The following RTL4 variants were observed in gnomAD, a reference collection of about 807,000 sequenced individuals.
The protein encoded by RTL4 is retrotransposon Gag-like protein 4.
A neutral mutation model predicts 5.3 loss-of-function variants in RTL4; 4 were observed. The ratio of observed to expected loss-of-function variants is 0.75; its 90% CI spans 0.37 to 1.72. The LOEUF (loss-of-function observed/expected upper bound fraction) is 1.72. Ranked by LOEUF, RTL4 falls within the 40% of genes most tolerant of loss-of-function variation. RTL4 has a pLI of 0.04. For synonymous variants in RTL4, 98 were observed against 87.3 expected (o/e 1.12, Z -0.68); for missense variants, 260 against 227.1 (o/e 1.14, Z -0.93).
the RTL4 span, among the ~76,000 whole-genome samples, chrX:112,173,319 A>G: frequency 9.0e-6 from 1 of 111,310 alleles, no homozygotes; most frequent in Non-Finnish European, 1.9e-5. Context: ...TCAAGTGATG[A>G]TGGAGGATTA....
the RTL4 span, among the ~76,000 whole-genome samples, chrX:112,096,801 A>G: frequency 3.6e-5 from 4 of 112,156 alleles, no homozygotes; most frequent in African/African-American, 1.3e-4. Flanking sequence ...TGTGAGAGAG[A>G]GTTACACATC....
At chrX:112,328,393 G>C in the RTL4 span, among the ~76,000 whole-genome samples, 1 of 111,078 alleles carries the variant, frequency 9.0e-6, no homozygotes, top group Non-Finnish European at 1.9e-5. Context: ...AACCAACAAA[G>C]ATCAAAAGAG....
the RTL4 span, among the ~76,000 whole-genome samples, chrX:112,429,260 TTTAA>T: frequency 8.1e-5 from 9 of 111,608 alleles, no homozygotes; most frequent in African/African-American, 2.9e-4. Context: ...TTTTTTTGGT[TTTAA>T]TTAAACATCT....
At chrX:112,188,457 T>C in the RTL4 span, among the ~76,000 whole-genome samples, 25 of 111,948 alleles carry the variant, frequency 2.2e-4, no homozygotes, top group African/African-American at 8.1e-4. Context: ...AGAAATCTTA[T>C]TATAATCCTT....
the RTL4 span, among the ~76,000 whole-genome samples, chrX:112,320,680 G>T: frequency 9.0e-6 from 1 of 111,394 alleles, no homozygotes; most frequent in Non-Finnish European, 1.9e-5. Context: ...TGGAATTTCA[G>T]TTCAAGGATA....
At chrX:112,337,856 T>C in the RTL4 span, among the ~76,000 whole-genome samples, 1 of 111,209 alleles carries the variant, frequency 9.0e-6, no homozygotes, top group African/African-American at 3.3e-5. Context: ...TCTATCCCTG[T>C]AAGTCAAGAG....
chrX:112,247,044 A>G, the RTL4 span, among the ~76,000 whole-genome samples: 2 of 112,014 alleles, frequency 1.8e-5, no homozygotes, highest in East Asian at 2.8e-4. Context: ...ATTATAAATT[A>G]TATAATTCAA....
the RTL4 span, among the ~76,000 whole-genome samples, chrX:112,406,632 G>A: frequency 9.0e-6 from 1 of 111,026 alleles, no homozygotes; most frequent in African/African-American, 3.3e-5. Flanking sequence ...CAGAGCCAGA[G>A]AACTGGGGGA....
At chrX:112,168,171 C>A in the RTL4 span, among the ~76,000 whole-genome samples, 1 of 111,093 alleles carries the variant, frequency 9.0e-6, no homozygotes, top group Non-Finnish European at 1.9e-5. Context: ...TGTGTGTCAT[C>A]AGTTTTCCTA....
At chrX:112,231,028 C>A in the RTL4 span, among the ~76,000 whole-genome samples, 2 of 110,338 alleles carry the variant, frequency 1.8e-5, no homozygotes, top group Middle Eastern at 4.7e-3. Context: ...AATGAGATAC[C>A]ATCTCACACC....
At chrX:112,311,013 A>G in the RTL4 span, among the ~76,000 whole-genome samples, 1 of 105,742 alleles carries the variant, frequency 9.5e-6, no homozygotes, top group African/African-American at 3.4e-5. Flanking sequence ...TCTCTTCTGC[A>G]AAGGGGGAAC....
At chrX:112,108,433 G>T in the RTL4 span, among the ~76,000 whole-genome samples, 1 of 111,461 alleles carries the variant, frequency 9.0e-6, no homozygotes, top group Non-Finnish European at 1.9e-5. Context: ...AGTCTTTTCA[G>T]ACTGCCTTTG....
chrX:112,208,297 G>C, the RTL4 span, among the ~76,000 whole-genome samples: 12 of 111,799 alleles, frequency 1.1e-4, no homozygotes, highest in African/African-American at 3.6e-4. Context: ...GGTCCTACCA[G>C]GAGTAACCAG....
At chrX:112,225,254 C>G in the RTL4 span, among the ~76,000 whole-genome samples, 1 of 111,632 alleles carries the variant, frequency 9.0e-6, no homozygotes, top group Non-Finnish European at 1.9e-5. Context: ...CTTGGTCTCT[C>G]CTAAGCTCTT....
the RTL4 span, among the ~76,000 whole-genome samples, chrX:112,165,292 C>T: frequency 9.8e-5 from 11 of 112,318 alleles, no homozygotes; most frequent in Non-Finnish European, 3.8e-5. Flanking sequence ...ACAATGTAAA[C>T]AGCAACTGTA....
the RTL4 span, among the ~76,000 whole-genome samples, chrX:112,331,475 T>C: frequency 9.4e-5 from 10 of 106,181 alleles, no homozygotes; most frequent in South Asian, 4.4e-3. Flanking sequence ...CTCACACCAG[T>C]TAGAATGGCA....
chrX:112,354,513 C>G, the RTL4 span, among the ~76,000 whole-genome samples: 1 of 111,362 alleles, frequency 9.0e-6, no homozygotes, highest in African/African-American at 3.3e-5. Flanking sequence ...TTAATTTTTG[C>G]TCATTATGTA....
the RTL4 span, among the ~76,000 whole-genome samples, chrX:112,387,581 A>T: frequency 2.7e-5 from 3 of 111,524 alleles, no homozygotes; most frequent in African/African-American, 9.8e-5. Context: ...AGCCAGTGGG[A>T]CAAAAGAATC....
the RTL4 span, among the ~76,000 whole-genome samples, chrX:112,085,551 G>T: frequency 5.4e-5 from 6 of 111,690 alleles, no homozygotes; most frequent in East Asian, 8.5e-4. Flanking sequence ...TAGGCCAGAT[G>T]ATTCCTTTTG....
Sources: allele counts gnomAD v4.1 joint callset (sites outside exome capture counted in the v4.1 genomes callset), GRCh38; gene constraint gnomAD v4.1.1; transcripts MANE v1.5; gene names NCBI Gene and HGNC (gene_info 2026-07-23, HGNC 2026-07-21).